The following OPRM1 variants were observed in gnomAD, a reference collection of about 807,000 sequenced individuals.
OPRM1 encodes opioid receptor mu 1.
In OPRM1, 27 loss-of-function variants were observed where a neutral mutation model predicts 31.8. That is an observed-to-expected ratio of 0.85 (90% confidence interval 0.63 to 1.17). OPRM1 has a LOEUF of 1.17. Ranked by LOEUF, OPRM1 falls within the 50% of genes most tolerant of loss-of-function variation. OPRM1 has a pLI of 0.00. For missense variants in OPRM1, 536 were observed against 511.1 expected, an observed-to-expected ratio of 1.05 and a Z score of -0.47; for synonymous variants, 196 against 189.9, an observed-to-expected ratio of 1.03 and a Z score of -0.26.
At chr6:154,077,736 ATAAT>A (rs780500002) in intron 1 of OPRM1, among the ~76,000 whole-genome samples, 88 of 152,080 alleles carry the variant, frequency 5.8e-4, no homozygotes, top group African/African-American at 1.4e-3. Context: ...ATCTAAAAAA[ATAAT>A]TAATTAATTA....
intron 3 of OPRM1, among the ~76,000 whole-genome samples, chr6:154,099,359 GAGAGAGAGAAAGAA>G (rs1794022150): frequency 6.7e-6 from 1 of 148,222 alleles, no homozygotes; most frequent in South Asian, 2.2e-4. Flanking sequence ...GAGAGAGAGA[GAGAGAGAGAAAGAA>G]AGAGAAAGAA....
In OPRM1 at chr6:154,121,152, C is replaced by T. The variant is rs1797276501; in HGVS notation, c.*2431C>T. Among the ~76,000 whole-genome samples the T allele has an allele frequency of 6.6e-6, 1 of 152,158 alleles. No homozygotes were observed. The highest frequency in any genetic ancestry group is 2.4e-5 in the African/African-American group (1 of 41,452). On this transcript the variant is annotated 3_prime_UTR_variant, in exon 4 of 4. Transcript: ENST00000330432. ...CTTTTTTCTTCCTTCTAATTTCACCCTTGCCTAAGGATGAGATTTCTTCCC... is the reference window on the plus strand; with the variant it reads ...CTTTTTTCTTCCTTCTAATTTCACCTTTGCCTAAGGATGAGATTTCTTCCC...
At chr6:154,227,240 TA>T in intron 3 of OPRM1, among the ~76,000 whole-genome samples, 1 of 151,460 alleles carries the variant, frequency 6.6e-6, no homozygotes. Flanking sequence ...AATAAAATAA[TA>T]AAAAAATAAA....
upstream of OPRM1, chr6:154,038,958 T>C (rs1779494334): frequency 3.6e-6 from 2 of 548,912 alleles, no homozygotes; most frequent in Non-Finnish European, 6.1e-6. Flanking sequence ...TCCTAAATAA[T>C]CAAAATTGGC....
At chr6:154,066,723 G>A (rs796876644) in intron 1 of OPRM1, among the ~76,000 whole-genome samples, 19 of 152,172 alleles carry the variant, frequency 1.2e-4, no homozygotes, top group African/African-American at 3.6e-4. Flanking sequence ...ATCACAGGAG[G>A]ACACAGTGAG....
intron 3 of OPRM1, among the ~76,000 whole-genome samples, chr6:154,197,758 CT>C (rs1205512399): frequency 1.3e-5 from 2 of 152,176 alleles, no homozygotes. Context: ...CCAGGGTTAT[CT>C]CTTGGGAAAG....
chr6:154,169,256 G>T (rs1397694031), intron 3 of OPRM1, among the ~76,000 whole-genome samples: 2 of 152,114 alleles, frequency 1.3e-5, no homozygotes, highest in African/African-American at 4.8e-5. Context: ...AGCTACTCAG[G>T]AGACTGAGAC....
intron 1 of OPRM1, among the ~76,000 whole-genome samples, chr6:154,049,252 A>G (rs906975579): frequency 2.0e-5 from 3 of 152,176 alleles, no homozygotes; most frequent in Non-Finnish European, 4.4e-5. Context: ...TATGTTTGAG[A>G]CCATTTTAAA....
intron 1 of OPRM1, chr6:154,086,535 C>G (rs1378394981): frequency 2.2e-5 from 22 of 980,772 alleles, no homozygotes; most frequent in African/African-American, 3.5e-5. Context: ...CTATGCATAA[C>G]CACGTTTCCT....
Position 154,191,401 on chromosome 6 carries a change from C to T in OPRM1, c.1165-55292C>T, listed in dbSNP as rs78770584. 7.0e-3 allele frequency among the ~76,000 whole-genome samples: 1,062 copies of T among 152,090 alleles called. 36 individuals are homozygous for T. The East Asian group carries it at 0.087, about 12-fold the overall frequency. ...TAAAGAGTGAACCCCATGCCAGGCGCGGTGGCTCACGTCTGTAATCCCAGC... is the reference window on the plus strand; with the variant it reads ...TAAAGAGTGAACCCCATGCCAGGCGTGGTGGCTCACGTCTGTAATCCCAGC... On this transcript the variant is annotated intron_variant, in intron 3 of 3. Coordinates refer to the OPRM1 transcript ENST00000337049.
chr6:154,056,416 C>T (rs926617921), intron 1 of OPRM1, among the ~76,000 whole-genome samples: 1 of 151,966 alleles, frequency 6.6e-6, no homozygotes, highest in Admixed American at 6.6e-5. Flanking sequence ...GCCAACGCGC[C>T]CGGCCTGATG....
chr6:154,105,721 A>G (rs149268995), intron 3 of OPRM1, among the ~76,000 whole-genome samples: 1 of 152,348 alleles, frequency 6.6e-6, no homozygotes, highest in African/African-American at 2.4e-5. Flanking sequence ...AGTTTCCCAT[A>G]ACTTTGGAAC....
intron 1 of OPRM1, chr6:154,083,544 C>T (rs1226443152): frequency 1.3e-5 from 2 of 148,868 alleles, no homozygotes; most frequent in Non-Finnish European, 3.0e-5. Context: ...GAAAGATACT[C>T]ATGGTTTGTC....
chr6:154,085,967 C>T (rs9384174), intron 1 of OPRM1, among the ~76,000 whole-genome samples: 27,432 of 147,256 alleles, frequency 0.19, 2,645 homozygotes, highest in East Asian at 0.37. Flanking sequence ...CCTGCCTCAG[C>T]CTCCCAAGTA....
At chr6:154,055,113 C>T (rs185192904) in intron 1 of OPRM1, among the ~76,000 whole-genome samples, 5 of 152,186 alleles carry the variant, frequency 3.3e-5, no homozygotes, top group African/African-American at 9.7e-5. Flanking sequence ...CTTGGCTGGG[C>T]GCATTGGCTC....
intron 1 of OPRM1, among the ~76,000 whole-genome samples, chr6:154,079,392 G>A (rs1014318839): frequency 6.6e-6 from 1 of 152,194 alleles, no homozygotes; most frequent in Non-Finnish European, 1.5e-5. Context: ...CTGCATGGGG[G>A]AAGTGAGCCC....
At chr6:154,134,779 A>G (rs961604147), downstream of OPRM1, among the ~76,000 whole-genome samples, 1 of 152,062 alleles carries the variant, frequency 6.6e-6, no homozygotes, top group African/African-American at 2.4e-5. Flanking sequence ...GCGAATTTAA[A>G]ATTTAACATG....
intron 3 of OPRM1, among the ~76,000 whole-genome samples, chr6:154,110,886 CAA>C (rs374739553): frequency 0.028 from 1,770 of 63,434 alleles, 19 homozygotes; most frequent in African/African-American, 0.092. Context: ...GACTCCGTCT[CAA>C]AAAAAAAAAA....
intron 1 of OPRM1, among the ~76,000 whole-genome samples, chr6:154,046,519 C>T (rs1298904495): frequency 6.6e-6 from 1 of 152,176 alleles, no homozygotes; most frequent in Non-Finnish European, 1.5e-5. Flanking sequence ...TTAAGAGTAT[C>T]TTGTGATTAA....
Sources: allele counts gnomAD v4.1 joint callset (sites outside exome capture counted in the v4.1 genomes callset), GRCh38; gene constraint gnomAD v4.1.1; transcripts MANE v1.5; gene names NCBI Gene and HGNC (gene_info 2026-07-23, HGNC 2026-07-21).